FARP1: variants seen among roughly 807,000 people sequenced by gnomAD.
The protein encoded by FARP1 is FERM, ARH/RhoGEF and pleckstrin domain protein 1, also known as FERM, ARHGEF and pleckstrin domain-containing protein 1.
A neutral mutation model predicts 128.8 loss-of-function variants in FARP1; 52 were observed. The ratio of observed to expected loss-of-function variants is 0.40; its 90% CI spans 0.32 to 0.51. The LOEUF (loss-of-function observed/expected upper bound fraction) is 0.51. Ranked by LOEUF, FARP1 falls within the 20% of genes least tolerant of loss-of-function variation. The probability of loss-of-function intolerance (pLI) is 0.45; values close to 1 mark genes in which losing one functional copy is unlikely to be tolerated. For synonymous variants in FARP1, 580 were observed against 551.8 expected (o/e 1.05, Z -0.72); for missense variants, 1,333 against 1,367.9 (o/e 0.97, Z 0.40).
At chr13:98,248,159 G>T (rs1253385280) in intron 2 of FARP1, among the ~76,000 whole-genome samples, 1 of 152,140 alleles carries the variant, frequency 6.6e-6, no homozygotes, top group Non-Finnish European at 1.5e-5. Context: ...AGAGAAATGG[G>T]CCAATGACAC....
chr13:98,232,108 G>T (rs567580695), intron 2 of FARP1, among the ~76,000 whole-genome samples: 1 of 148,760 alleles, frequency 6.7e-6, no homozygotes, highest in South Asian at 2.1e-4. Flanking sequence ...GGGATTACAG[G>T]CATGAGCCAC....
chr13:98,413,624 C>T (rs1292578963), intron 16 of FARP1, among the ~76,000 whole-genome samples: 2 of 152,206 alleles, frequency 1.3e-5, no homozygotes, highest in Non-Finnish European at 2.9e-5. Context: ...TGTGCCACTG[C>T]ACTCCAGCCT....
chr13:98,209,711 C>T (rs1447826310), intron 1 of FARP1, among the ~76,000 whole-genome samples: 8 of 132,566 alleles, frequency 6.0e-5, no homozygotes, highest in East Asian at 2.2e-4. Context: ...GCAGGAGAAT[C>T]GCTTGAACCT....
intron 3 of FARP1, among the ~76,000 whole-genome samples, chr13:98,351,320 A>G (rs367731105): frequency 1.1e-4 from 17 of 152,296 alleles, no homozygotes; most frequent in African/African-American, 3.8e-4. Flanking sequence ...ATTTATAAAG[A>G]AAAGAGGTTT....
chr13:98,377,360 AAGT>A (rs1218772919), intron 5 of FARP1, among the ~76,000 whole-genome samples: 1 of 133,784 alleles, frequency 7.5e-6, no homozygotes, highest in Admixed American at 7.6e-5. Flanking sequence ...GGTCCTATGG[AAGT>A]AGTTACACCA....
intron 2 of FARP1, among the ~76,000 whole-genome samples, chr13:98,301,684 G>T (rs184197777): frequency 6.6e-6 from 1 of 152,038 alleles, no homozygotes; most frequent in Non-Finnish European, 1.5e-5. Flanking sequence ...TAAACCTTTC[G>T]GGCTTTTGGG....
intron 2 of FARP1, among the ~76,000 whole-genome samples, chr13:98,270,191 C>T (rs77958413): frequency 0.026 from 4,002 of 152,212 alleles, 153 homozygotes; most frequent in African/African-American, 0.086. Context: ...AGGTGATTTT[C>T]CAGTGGTGCT....
At chr13:98,223,418 G>A (rs189021835) in intron 2 of FARP1, among the ~76,000 whole-genome samples, 5 of 152,204 alleles carry the variant, frequency 3.3e-5, no homozygotes, top group African/African-American at 7.2e-5. Flanking sequence ...CTCCGCCTCC[G>A]GGGTTCAAGT....
rs1893322534 is a variant in FARP1 at position 98,453,874 on chromosome 13, A to G, written c.*5557A>G. On this transcript the variant is annotated 3_prime_UTR_variant, in exon 27 of 27. Coordinates refer to ENST00000319562, the MANE Select transcript of FARP1 (RefSeq NM_005766.4). ...CAAGTTTAAAAGTACATACAAAATT[A>G]CAGATTGGGCATCCCTTATCTGAAA... The G allele has an allele frequency of 6.6e-6, 1 of 152,260 alleles. No individual in the cohort carries two copies. The highest frequency in any genetic ancestry group is 2.4e-5 in the African/African-American group (1 of 41,460). The allele number at this position is 152,260 out of a possible 1,614,324, so 9.4% of individuals were successfully genotyped here.
At chr13:98,190,724 GC>G (rs768331509) in intron 1 of FARP1, among the ~76,000 whole-genome samples, 21 of 136,344 alleles carry the variant, frequency 1.5e-4, no homozygotes, top group Non-Finnish European at 2.7e-4. Context: ...ACCATGCCCA[GC>G]TTTTTAAGTT....
chr13:98,258,578 G>C (rs1205618793), intron 2 of FARP1, among the ~76,000 whole-genome samples: 2 of 152,132 alleles, frequency 1.3e-5, no homozygotes, highest in Non-Finnish European at 2.9e-5. Flanking sequence ...AATCAGTTGG[G>C]TGCTGTCACT....
intron 16 of FARP1, among the ~76,000 whole-genome samples, chr13:98,416,303 G>T (rs1034883485): frequency 6.6e-6 from 1 of 152,226 alleles, no homozygotes; most frequent in African/African-American, 2.4e-5. Context: ...CCAGAATTTG[G>T]TATATAAGTG....
At chr13:98,232,145 G>GTTTTTTTTTTTTTTTTTTTTTTTT (rs59209045) in intron 2 of FARP1, among the ~76,000 whole-genome samples, 15 of 105,780 alleles carry the variant, frequency 1.4e-4, no homozygotes, top group Non-Finnish European at 2.0e-4. Context: ...TGTTTGGTTG[G>GTTTTTTTTTTTTTTTTTTTTTTTT]TTTTTTTTTT....
chr13:98,222,503 A>G (rs1178093255), intron 2 of FARP1, among the ~76,000 whole-genome samples: 1 of 152,184 alleles, frequency 6.6e-6, no homozygotes, highest in African/African-American at 2.4e-5. Context: ...GCCCAGGACC[A>G]CATACACCTA....
chr13:98,432,649 A>G (rs1159672832), intron 18 of FARP1: 1 of 152,252 alleles, frequency 6.6e-6, no homozygotes, highest in Admixed American at 6.5e-5. Flanking sequence ...TTTTTTAAAA[A>G]TCCATCTTCT....
At position 98,176,986 on chromosome 13, in the gene FARP1, T is replaced by G. The variant is rs140938876; in HGVS notation, c.-24+33494T>G. The G allele has an allele frequency of 2.8e-5, 44 of 1,598,796 alleles. No individual in the cohort carries two copies. Among genetic ancestry groups the G allele is most frequent in the Admixed American group, 1.7e-4 (10 of 59,916 alleles). ...CACGTCGAGGCTCTCAGGCGCCGCC[T>G]CCTCGCCCCTCCTGTCGCCGTGAGC... is the stretch of plus-strand genomic sequence containing the variant. On this transcript the variant is annotated intron_variant, in intron 1 of 26. Coordinates refer to ENST00000319562, the MANE Select transcript of FARP1 (RefSeq NM_005766.4). The surrounding 1 kb of genome is among the most constrained non-coding windows in gnomAD (Gnocchi z 6.2).
chr13:98,368,170 A>G lies in FARP1; in HGVS notation c.373A>G (p.Thr125Ala), dbSNP rs763748342. 1.9e-6 allele frequency: 3 copies of G among 1,613,894 alleles called. No homozygotes were observed. Among genetic ancestry groups the G allele is most frequent in the East Asian group, 2.2e-5 (1 of 44,882 alleles). Residue 125 changes from threonine (T) to alanine (A), a missense_variant, in exon 5 of 27, where the codon ACA becomes GCA. Physicochemically the swap from Thr to Ala is moderately conservative, Grantham distance 58. Around this residue, in one of 2 missense-constraint regions of FARP1, gnomAD observed 324 missense variants for 398.1 expected, o/e 0.81. Coordinates refer to ENST00000319562, the MANE Select transcript of FARP1 (RefSeq NM_005766.4). ...GGTGAAATTCTTTCCGCCTGACCAC[A>G]CACAACTCCAAGAAGAACTCACAAG... Reference protein sequence around the residue: ...FVVKFFPPDHTQLQEELTRYL... With the variant: ...FVVKFFPPDHAQLQEELTRYL...
intron 18 of FARP1, chr13:98,432,999 C>T (rs1355047245): frequency 6.6e-6 from 1 of 152,380 alleles, no homozygotes; most frequent in African/African-American, 2.4e-5. Context: ...TCAGAACTAA[C>T]ATGTAAATAG....
rs1880839081 is a variant in FARP1 at position 98,213,259 on chromosome 13, A to G, written c.17A>G (p.Gln6Arg). 6.2e-7 allele frequency: 1 copy of G among 1,613,392 alleles called. No individual in the cohort carries two copies. Among genetic ancestry groups the G allele is most frequent in the Non-Finnish European group, 8.5e-7 (1 of 1,179,806 alleles). ...GCTTTCATCATGGGAGAAATAGAGCAGAGGCCGACCCCAGGATCACGACTG... is the reference window on the plus strand; with the variant it reads ...GCTTTCATCATGGGAGAAATAGAGCGGAGGCCGACCCCAGGATCACGACTG... MGEIE[Q>R]RPTPGSRLGA... Residue 6 changes from glutamine (Q) to arginine (R), a missense_variant, in exon 2 of 27, where the codon CAG (glutamine) becomes CGG (arginine). Gln to Arg is a conservative substitution (Grantham distance 43). This residue lies in a region of FARP1 where 324 missense variants were observed against 398.1 expected (regional missense o/e 0.81). Transcript: ENST00000319562.
Sources: allele counts gnomAD v4.1 joint callset (sites outside exome capture counted in the v4.1 genomes callset), GRCh38; gene constraint gnomAD v4.1.1; regional missense constraint gnomAD v4.1.1; non-coding constraint Gnocchi (gnomAD v3.1); transcripts MANE v1.5; gene names NCBI Gene and HGNC (gene_info 2026-07-23, HGNC 2026-07-21).